The following BAG3 variants were observed in gnomAD, a reference collection of about 807,000 sequenced individuals.
BAG3 encodes the protein BAG cochaperone 3.
In BAG3, 14 loss-of-function variants were observed where a neutral mutation model predicts 40.5. The observed-to-expected ratio is 0.35, with a 90% CI of 0.23 to 0.54. The LOEUF is 0.54. BAG3 is among the 20% of genes least tolerant of loss of function. The pLI is 0.91. For missense variants in BAG3, 788 were observed against 758.6 expected (o/e 1.04, Z -0.46); for synonymous variants, 302 against 307.8 (o/e 0.98, Z 0.20).
At chr10:119,661,944 G>A (rs1383653045) in intron 1 of BAG3, among the ~76,000 whole-genome samples, 6 of 152,196 alleles carry the variant, frequency 3.9e-5, no homozygotes, top group Non-Finnish European at 8.8e-5. Context: ...GTGTATTTCA[G>A]TATCAAATGG....
chr10:119,658,056 G>A (rs891057372), intron 1 of BAG3, among the ~76,000 whole-genome samples: 5 of 152,308 alleles, frequency 3.3e-5, no homozygotes, highest in Non-Finnish European at 4.4e-5. Flanking sequence ...GACTTTTTAC[G>A]GAAAATTCCT....
chr10:119,666,019 C>T lies in BAG3; in HGVS notation c.181-3832C>T, dbSNP rs796992875. Among the ~76,000 whole-genome samples the T allele has an allele frequency of 2.1e-4, 32 of 152,336 alleles. 1 individual carries two copies. The highest frequency in any genetic ancestry group is 7.5e-4 in the African/African-American group (31 of 41,590). ...TCTGCTTTCCAGCTGTGCCGGCAGGCTTGGCCTGTTCAGTGGACCTCACGC... is the reference window on the plus strand; with the variant it reads ...TCTGCTTTCCAGCTGTGCCGGCAGGTTTGGCCTGTTCAGTGGACCTCACGC... On this transcript the variant is annotated intron_variant, in intron 1 of 3. Coordinates refer to ENST00000369085, the MANE Select transcript of BAG3 (RefSeq NM_004281.4).
Position 119,651,715 on chromosome 10 carries a change from T to A in BAG3, c.40T>A (p.Ser14Thr). The A allele has an allele frequency of 6.3e-7, 1 of 1,595,100 alleles. No homozygotes were observed. The highest frequency in any genetic ancestry group is 1.1e-5 in the South Asian group (1 of 88,794). ...ATHSPMMQVA[S>T]GNGDRDPLPP... ...CCACTCGCCCATGATGCAGGTGGCG[T>A]CCGGCAACGGTGACCGCGACCCTTT... The change falls in exon 1 of 4, where the codon TCC (serine) becomes ACC (threonine). Residue 14 changes from serine (S) to threonine (T), a missense_variant. Ser to Thr is a moderately conservative substitution (Grantham distance 58). Coordinates refer to ENST00000369085, the MANE Select transcript of BAG3 (RefSeq NM_004281.4).
intron 1 of BAG3, among the ~76,000 whole-genome samples, chr10:119,657,159 C>T (rs1025602506): frequency 1.8e-4 from 27 of 152,046 alleles, no homozygotes; most frequent in Admixed American, 1.1e-3. Context: ...GAGATGGGCC[C>T]GACTCTTTAC....
At chr10:119,669,816 C>G in intron 1 of BAG3, 35 bp from the exon 2 acceptor site, 1 of 1,600,738 alleles carries the variant, frequency 6.2e-7, no homozygotes, top group South Asian at 1.1e-5. Context: ...TTCCCAGTTT[C>G]TAACCAGCCT....
At position 119,676,668 on chromosome 10, in the gene BAG3, C is replaced by T; in HGVS notation, c.1114C>T (p.Pro372Ser). 6.2e-7 allele frequency: 1 copy of T among 1,614,182 alleles called. No homozygotes were observed. Among genetic ancestry groups the T allele is most frequent in the East Asian group, 2.2e-5 (1 of 44,888 alleles). Residue 372 changes from proline (P) to serine (S), a missense_variant, in exon 4 of 4, where the codon CCT (proline) becomes TCT (serine). Coordinates refer to ENST00000369085, the MANE Select transcript of BAG3 (RefSeq NM_004281.4). ...GGTGAAAGTTCCCCCTGCTCCAGTTCCTTGTCCTCCTCCCAGCCCTGGCCC... is the reference window on the plus strand; with the variant it reads ...GGTGAAAGTTCCCCCTGCTCCAGTTTCTTGTCCTCCTCCCAGCCCTGGCCC... ...VEVKVPPAPVPCPPPSPGPSA... is the reference protein window; with the variant it reads ...VEVKVPPAPVSCPPPSPGPSA...
intron 1 of BAG3, among the ~76,000 whole-genome samples, chr10:119,654,341 T>A (rs1003044672): frequency 6.6e-6 from 1 of 152,330 alleles, no homozygotes; most frequent in Middle Eastern, 3.4e-3. Context: ...AGCTGTTCAT[T>A]GAGCATGAGG....
At chr10:119,657,613 T>C (rs1348278801) in intron 1 of BAG3, 2 of 470,838 alleles carry the variant, frequency 4.2e-6, no homozygotes, top group Admixed American at 4.7e-5. Context: ...AACTGCAGAG[T>C]TGTCCTGGGC....
At chr10:119,662,433 A>C (rs781210294) in intron 1 of BAG3, among the ~76,000 whole-genome samples, 20 of 151,936 alleles carry the variant, frequency 1.3e-4, no homozygotes, top group Non-Finnish European at 2.8e-4. Flanking sequence ...GAGCCAGGCC[A>C]CTTAATTTTG....
At position 119,669,937 on chromosome 10, in the gene BAG3, C is replaced by G; in HGVS notation, c.267C>G (p.Leu89=). 6.2e-7 allele frequency: 1 copy of G among 1,614,252 alleles called. No homozygotes were observed. Among genetic ancestry groups the G allele is most frequent in the Non-Finnish European group, 8.5e-7 (1 of 1,180,042 alleles). The change falls in exon 2 of 4, where the codon CTC becomes CTG. Residue 89 remains leucine (L), a synonymous_variant. Transcript: ENST00000369085. ...AREGHPVYPQ[L]RPGYIPIPVL... is the part of the protein sequence containing the mutation. ...AAGGCCACCCTGTGTACCCCCAGCTCCGACCAGGCTACATTCCCATTCCTG... is the reference window on the plus strand; with the variant it reads ...AAGGCCACCCTGTGTACCCCCAGCTGCGACCAGGCTACATTCCCATTCCTG...
chr10:119,659,267 C>G (rs1232303599), intron 1 of BAG3, among the ~76,000 whole-genome samples: 3 of 152,236 alleles, frequency 2.0e-5, no homozygotes, highest in Non-Finnish European at 2.9e-5. Flanking sequence ...GTGTCCTCCA[C>G]TGTGCTGTGT....
intron 3 of BAG3, among the ~76,000 whole-genome samples, chr10:119,675,168 C>CA (rs367859348): frequency 2.0e-5 from 3 of 151,794 alleles, no homozygotes; most frequent in African/African-American, 7.3e-5. Context: ...CCTGTCTCTA[C>CA]AAAAAAATAG....
In BAG3 at chr10:119,670,100, A is replaced by G. The variant is rs774506265; in HGVS notation, c.430A>G (p.Thr144Ala). Residue 144 changes from threonine (T) to alanine (A), a missense_variant, in exon 2 of 4, where the codon ACC becomes GCC. Transcript: ENST00000369085. Reference protein sequence around the residue: ...SQSPLRGMPETTQPDKQCGQV... With the variant: ...SQSPLRGMPEATQPDKQCGQV... ...GTCACCTCTGCGGGGCATGCCAGAA[A>G]CCACTCAGCCAGATAAACAGTGTGG... 5 of 1,613,496 alleles carry G rather than the reference A, an allele frequency of 3.1e-6. No homozygotes were observed. Among genetic ancestry groups the G allele is most frequent in the Non-Finnish European group, 4.2e-6 (5 of 1,179,610 alleles).
chr10:119,671,216 G>A (rs1202615639), intron 2 of BAG3, among the ~76,000 whole-genome samples: 1 of 152,174 alleles, frequency 6.6e-6, no homozygotes, highest in African/African-American at 2.4e-5. Context: ...GCTGAGGCAG[G>A]AGAATTGCTT....
rs1024599221 is a variant in BAG3 at position 119,651,924 on chromosome 10, G to C, written c.180+69G>C. 3 of 1,250,186 alleles carry C rather than the reference G, an allele frequency of 2.4e-6. No individual in the cohort carries two copies. In the African/African-American group the frequency reaches 4.7e-5, roughly 20 times the overall value. 77.4% of individuals were successfully genotyped at this position (1,250,186 alleles called of 1,614,324 possible). ...GACGGCAGGCGGCGGGGAGTGGGCT[G>C]GGCCGGGGGGACGCGAGGCGGCGGG... On this transcript the variant is annotated intron_variant, in intron 1 of 3. Transcript: ENST00000369085.
intron 1 of BAG3, among the ~76,000 whole-genome samples, chr10:119,664,198 C>T (rs866541150): frequency 6.6e-6 from 1 of 152,164 alleles, no homozygotes; most frequent in Admixed American, 6.5e-5. Flanking sequence ...AAGCTCAGAA[C>T]CTGACCTCAG....
Position 119,651,631 on chromosome 10 carries a change from C to T in BAG3, c.-45C>T, listed in dbSNP as rs766988928. The T allele has an allele frequency of 4.7e-6, 7 of 1,476,212 alleles. No individual in the cohort carries two copies. In the East Asian group the frequency reaches 1.7e-4, roughly 37 times the overall value. The allele number at this position is 1,476,212 out of a possible 1,614,324, so 91.4% of individuals were successfully genotyped here. On this transcript the variant is annotated 5_prime_UTR_variant, in exon 1 of 4. Transcript: ENST00000369085. ...CCGGCCAGAGACTCGGCGCCCGGAG[C>T]CAGCGCCCCGCACCCGCGCCCCAGC...
In BAG3 at chr10:119,661,265, AAAAG is replaced by A. The variant is rs369439951; in HGVS notation, c.181-8570_181-8567del. Among the ~76,000 whole-genome samples, 476 of 152,288 alleles carry A rather than the reference AAAAG, an allele frequency of 3.1e-3. 2 individuals carry two copies. Among genetic ancestry groups the A allele is most frequent in the African/African-American group, 0.011 (437 of 41,554 alleles). On this transcript the variant is annotated intron_variant, in intron 1 of 3. Coordinates refer to ENST00000369085, the MANE Select transcript of BAG3 (RefSeq NM_004281.4). The stretch of plus-strand genomic sequence containing the variant: ...ACAGAGCGAGACTCAGTCTCCAAAA[AAAAG>A]AAAGAAAGAAAGAAAAAGAAACCCA...
chr10:119,658,748 CT>C (rs1289701251), intron 1 of BAG3, among the ~76,000 whole-genome samples: 1 of 152,190 alleles, frequency 6.6e-6, no homozygotes, highest in African/African-American at 2.4e-5. Flanking sequence ...AGCACTTACC[CT>C]TCTTGAGCCT....
Sources: gnomAD v4.1 joint callset for allele counts (sites outside exome capture counted in the v4.1 genomes callset) on GRCh38, gnomAD v4.1.1 for gene constraint, MANE v1.5 for transcripts, NCBI Gene and HGNC (gene_info 2026-07-23, HGNC 2026-07-21) for gene names.